Variants in ADAM19 observed in about 807,000 individuals in gnomAD.
ADAM19 encodes the protein ADAM metallopeptidase domain 19.
A neutral mutation model predicts 114.7 loss-of-function variants in ADAM19; 65 were observed. That is an observed-to-expected ratio of 0.57 (90% CI 0.46 to 0.70). The LOEUF is 0.70. Ranked by LOEUF, ADAM19 falls within the 30% of genes least tolerant of loss-of-function variation. The pLI is 0.00. For synonymous variants in ADAM19, 466 were observed against 460.5 expected (o/e 1.01, Z -0.15); for missense variants, 1,063 against 1,204.7 (o/e 0.88, Z 1.74).
At chr5:157,485,233 C>T (rs1005038945) in intron 21 of ADAM19, among the ~76,000 whole-genome samples, 1 of 152,198 alleles carries the variant, frequency 6.6e-6, no homozygotes, top group South Asian at 2.1e-4. Flanking sequence ...TCAGGACAAC[C>T]TTTAAATCTT....
intron 2 of ADAM19, among the ~76,000 whole-genome samples, chr5:157,567,338 A>G (rs552192770): frequency 6.6e-6 from 1 of 152,346 alleles, no homozygotes; most frequent in South Asian, 2.1e-4. Context: ...TGTTTGACCA[A>G]TAACTTTCAC....
chr5:157,493,043 C>T lies in ADAM19; in HGVS notation c.1838G>A (p.Gly613Asp). 6.2e-7 allele frequency: 1 copy of T among 1,614,248 alleles called. No homozygotes were observed. The highest frequency in any genetic ancestry group is 8.5e-7 in the Non-Finnish European group (1 of 1,180,042). The stretch of plus-strand genomic sequence containing the variant: ...CAGCATGTCACCCTCCTCCTCAGGA[C>T]CTCGGTAGACGTGGGTGCCCCGGCA... ...IQCRGTHVYR[G>D]PEEEGDMLDP... is the part of the protein sequence containing the mutation. Residue 613 changes from glycine (G) to aspartate (D), a missense_variant, in exon 16 of 23, where the codon GGT becomes GAT. Gly to Asp is a moderately conservative substitution (Grantham distance 94). Transcript: ENST00000257527.
chr5:157,496,729 T>C (rs1279102572), intron 14 of ADAM19, among the ~76,000 whole-genome samples, 165 bp downstream of exon 14: 1 of 152,238 alleles, frequency 6.6e-6, no homozygotes, highest in African/African-American at 2.4e-5. Context: ...GAAGGAACAC[T>C]GTCCTCTGGT....
At chr5:157,563,493 C>T (rs1757567570) in intron 3 of ADAM19, among the ~76,000 whole-genome samples, 1 of 152,198 alleles carries the variant, frequency 6.6e-6, no homozygotes, top group African/African-American at 2.4e-5. Flanking sequence ...CTTTTCTTGG[C>T]AGTGATGCAT....
At chr5:157,482,201 C>A (rs1050832879) in intron 21 of ADAM19, among the ~76,000 whole-genome samples, 2 of 152,296 alleles carry the variant, frequency 1.3e-5, no homozygotes, top group African/African-American at 4.8e-5. Flanking sequence ...TAAATGTCTT[C>A]TTTTGAGAAG....
intron 18 of ADAM19, among the ~76,000 whole-genome samples, chr5:157,490,942 T>C (rs1279807487): frequency 1.3e-5 from 2 of 151,192 alleles, no homozygotes; most frequent in Non-Finnish European, 2.9e-5. Flanking sequence ...GATTTAAGAC[T>C]AGACATCTCA....
chr5:157,505,845 G>A (rs1332426313), intron 10 of ADAM19, 37 bp from the exon 11 acceptor site: 3 of 1,602,606 alleles, frequency 1.9e-6, no homozygotes, highest in African/African-American at 1.3e-5. Flanking sequence ...AGGTCAAGGG[G>A]ACAGATCTGC....
chr5:157,563,354 C>A (rs953107866), intron 3 of ADAM19, among the ~76,000 whole-genome samples: 4 of 152,164 alleles, frequency 2.6e-5, no homozygotes, highest in Non-Finnish European at 5.9e-5. Context: ...TAACCACACT[C>A]GGGACAGCAC....
rs1203177209 is a variant in ADAM19, at chr5:157,559,916, A to C, written c.251+4457T>G. 2.0e-5 allele frequency among the ~76,000 whole-genome samples: 3 copies of C among 152,084 alleles called. No individual in the cohort carries two copies. In the East Asian group the frequency reaches 5.8e-4, roughly 29 times the overall value. On this transcript the variant is annotated intron_variant, in intron 3 of 22. Coordinates refer to ENST00000257527, the MANE Select transcript of ADAM19 (RefSeq NM_033274.5). ...CCAGGATGTCTCCACAGGTAGAGCA[A>C]ATTTCCTGAGGCAGAGACTTCTTTT...
chr5:157,486,496 G>T (rs535327200), intron 21 of ADAM19, among the ~76,000 whole-genome samples: 2 of 152,104 alleles, frequency 1.3e-5, no homozygotes, highest in Admixed American at 1.3e-4. Flanking sequence ...AGGGGTGCAG[G>T]TGCAGGGTAT....
chr5:157,545,216 C>T (rs969826235), intron 3 of ADAM19, among the ~76,000 whole-genome samples: 1 of 152,154 alleles, frequency 6.6e-6, no homozygotes, highest in Admixed American at 6.5e-5. Flanking sequence ...CTTGGAAAGC[C>T]CTCATAGATC....
intron 5 of ADAM19, among the ~76,000 whole-genome samples, chr5:157,522,419 C>T (rs1389409233): frequency 1.3e-5 from 2 of 152,172 alleles, no homozygotes; most frequent in African/African-American, 4.8e-5. Flanking sequence ...TTAAAGGAGT[C>T]GGGATTTGAA....
In ADAM19 at chr5:157,529,658, C is replaced by T. The variant is rs559894397; in HGVS notation, c.407+1149G>A. On this transcript the variant is annotated intron_variant, in intron 5 of 22. Transcript: ENST00000257527. ...CTAGAGAAGCAAAGTCCTAGGAGTTCACTGCATGCTGACAGTGTGCCACTG... is the reference window on the plus strand; with the variant it reads ...CTAGAGAAGCAAAGTCCTAGGAGTTTACTGCATGCTGACAGTGTGCCACTG... Among the ~76,000 whole-genome samples, 6 of 152,320 alleles carry T rather than the reference C, an allele frequency of 3.9e-5. No homozygotes were observed. In the East Asian group the frequency reaches 7.7e-4, roughly 20 times the overall value.
chr5:157,512,289 C>G (rs1485870291), intron 8 of ADAM19, among the ~76,000 whole-genome samples: 1 of 152,166 alleles, frequency 6.6e-6, no homozygotes, highest in Non-Finnish European at 1.5e-5. Context: ...CATCTGATGA[C>G]TTCAGAACTA....
intron 21 of ADAM19, among the ~76,000 whole-genome samples, chr5:157,486,868 T>A (rs1482702856): frequency 6.6e-6 from 1 of 151,978 alleles, no homozygotes; most frequent in African/African-American, 2.4e-5. Flanking sequence ...AGATAAGGTC[T>A]TTAAAGAGGT....
intron 10 of ADAM19, 53 bp from the exon 11 acceptor site, chr5:157,505,861 C>T (rs1755727071): frequency 3.8e-6 from 6 of 1,575,494 alleles, no homozygotes; most frequent in East Asian, 4.6e-5. Context: ...TCTGCCTCTG[C>T]CCCCCATCCC....
chr5:157,497,222 G>T, intron 13 of ADAM19, 133 bp from the exon 14 acceptor site: 1 of 792,370 alleles, frequency 1.3e-6, no homozygotes. Context: ...CTTTTTACAT[G>T]ACCTCATTAG....
chr5:157,511,683 G>A (rs770434245), intron 8 of ADAM19, among the ~76,000 whole-genome samples: 1 of 152,160 alleles, frequency 6.6e-6, no homozygotes, highest in Non-Finnish European at 1.5e-5. Flanking sequence ...AAACATTTTG[G>A]ATTGGGTTCA....
intron 18 of ADAM19, among the ~76,000 whole-genome samples, chr5:157,491,322 C>T (rs1755146678): frequency 6.6e-6 from 1 of 152,130 alleles, no homozygotes; most frequent in South Asian, 2.1e-4. Flanking sequence ...GTCACCGTGT[C>T]CCCTAAAAAG....
Sources: gnomAD v4.1 joint callset for allele counts (sites outside exome capture counted in the v4.1 genomes callset) on GRCh38, gnomAD v4.1.1 for gene constraint, MANE v1.5 for transcripts, NCBI Gene and HGNC (gene_info 2026-07-23, HGNC 2026-07-21) for gene names.